PAPOLA: variants seen among roughly 807,000 people sequenced by gnomAD.
PAPOLA encodes polynucleotide adenylyltransferase alpha.
Under a neutral mutation model 100.6 loss-of-function variants are expected in PAPOLA, and 15 were observed. That is an observed-to-expected ratio of 0.15 (90% CI 0.10 to 0.23). PAPOLA has a LOEUF of 0.23. Ranked by LOEUF, PAPOLA falls within the 10% of genes least tolerant of loss-of-function variation. The pLI, the probability that PAPOLA is intolerant of heterozygous loss-of-function variation, is 1.00. For missense variants in PAPOLA, 533 were observed against 884.2 expected, an observed-to-expected ratio of 0.60 and a Z score of 5.04; for synonymous variants, 293 against 300.0, an observed-to-expected ratio of 0.98 and a Z score of 0.24.
intron 16 of PAPOLA, among the ~76,000 whole-genome samples, chr14:96,548,948 C>A (rs1900611315): frequency 6.6e-6 from 1 of 152,168 alleles, no homozygotes. Flanking sequence ...CAAATTCAGG[C>A]TCTACTGTTT....
intron 19 of PAPOLA, among the ~76,000 whole-genome samples, chr14:96,559,086 T>C (rs1901598572): frequency 6.6e-6 from 1 of 151,860 alleles, no homozygotes; most frequent in Non-Finnish European, 1.5e-5. Context: ...CGGAGTTGAT[T>C]AATAGAACTA....
chr14:96,520,196 G>T lies in PAPOLA; in HGVS notation c.150G>T (p.Gly50=), dbSNP rs372537982. 1 of 1,613,540 alleles carries T rather than the reference G, an allele frequency of 6.2e-7. No individual in the cohort carries two copies. The highest frequency in any genetic ancestry group is 8.5e-7 in the Non-Finnish European group (1 of 1,179,794). ...TAATTGAGACATTGAAACCCTTTGG[G>T]GTTTTTGAAGAGGAAGAGGAACTGC... is the stretch of plus-strand genomic sequence containing the variant. ...QKLIETLKPF[G]VFEEEEELQR... Residue 50 remains glycine (G), a synonymous_variant, in exon 2 of 22, where the codon GGG becomes GGT. Transcript: ENST00000216277.
At position 96,566,735 on chromosome 14, in the gene PAPOLA, A is replaced by G. The variant is rs2140349305; in HGVS notation, c.*1685A>G. 1 of 152,690 alleles carries G rather than the reference A, an allele frequency of 6.5e-6. No individual in the cohort carries two copies. The highest frequency in any genetic ancestry group is 1.5e-5 in the Non-Finnish European group (1 of 67,986). The allele number at this position is 152,690 out of a possible 1,614,324, so 9.5% of individuals were successfully genotyped here. On this transcript the variant is annotated 3_prime_UTR_variant, in exon 22 of 22. Transcript: ENST00000216277. Reference sequence around the variant, plus strand: ...ACCACCGAAGAAAAAAGATGGTCATACTAACAGGTGAAATGTACAAGGTGT... The same window carrying G: ...ACCACCGAAGAAAAAAGATGGTCATGCTAACAGGTGAAATGTACAAGGTGT...
chr14:96,529,810 A>G (rs1479665365), intron 6 of PAPOLA, among the ~76,000 whole-genome samples: 2 of 152,168 alleles, frequency 1.3e-5, no homozygotes, highest in African/African-American at 4.8e-5. Flanking sequence ...ATGAAATCAT[A>G]CCCTCAGGGA....
At chr14:96,512,169 A>G (rs1380787806) in intron 1 of PAPOLA, among the ~76,000 whole-genome samples, 1 of 152,132 alleles carries the variant, frequency 6.6e-6, no homozygotes, top group African/African-American at 2.4e-5. Context: ...ACATGTTGAA[A>G]CAAGTTTATA....
At position 96,556,552 on chromosome 14, in the gene PAPOLA, A is replaced by G. The variant is rs537864359; in HGVS notation, c.2004+139A>G. The stretch of plus-strand genomic sequence containing the variant: ...TTTAGAAAATTTTAGGTGTGTCTGT[A>G]GTGCTTTAGTGCTGTAGTTTCTCTT... On this transcript the variant is annotated intron_variant, in intron 19 of 21. Coordinates refer to ENST00000216277, the MANE Select transcript of PAPOLA (RefSeq NM_032632.5). 55 of 675,970 alleles carry G rather than the reference A, an allele frequency of 8.1e-5. No homozygotes were observed. The African/African-American group carries it at 9.1e-4, about 11-fold the overall frequency. 41.9% of individuals were successfully genotyped at this position (675,970 alleles called of 1,614,324 possible). A position where few individuals can be genotyped will look rare whatever the true frequency, so the allele number is the denominator to read the frequency against.
intron 16 of PAPOLA, among the ~76,000 whole-genome samples, chr14:96,551,346 A>G (rs2140318864): frequency 6.6e-6 from 1 of 152,316 alleles, no homozygotes; most frequent in East Asian, 1.9e-4. Context: ...GATTGGTAGC[A>G]TTGTTGAATA....
intron 13 of PAPOLA, 45 bp downstream of exon 13, chr14:96,542,341 G>C (rs866220075): frequency 2.6e-6 from 3 of 1,148,422 alleles, no homozygotes; most frequent in Middle Eastern, 2.0e-4. Flanking sequence ...ACTTCAAAAT[G>C]AATCACATAG....
At position 96,562,852 on chromosome 14, in the gene PAPOLA, T is replaced by C. The variant is rs1901973521; in HGVS notation, c.2101T>C (p.Ser701Pro). The C allele has an allele frequency of 1.2e-6, 2 of 1,612,600 alleles. No homozygotes were observed. The highest frequency in any genetic ancestry group is 1.7e-6 in the Non-Finnish European group (2 of 1,178,936). Residue 701 changes from serine to proline, a missense_variant, in exon 21 of 22, where the codon TCA becomes CCA. Coordinates refer to ENST00000216277, the MANE Select transcript of PAPOLA (RefSeq NM_032632.5). ...TGATACAGAGACAAGTACAACTCAA[T>C]CAGAAACTATTCAGACAGCGGCTTC... Reference protein sequence around the residue: ...QLDTETSTTQSETIQTAASLL... With the variant: ...QLDTETSTTQPETIQTAASLL...
At chr14:96,504,036 G>A (rs986657658) in intron 1 of PAPOLA, among the ~76,000 whole-genome samples, 1 of 152,158 alleles carries the variant, frequency 6.6e-6, no homozygotes, top group Non-Finnish European at 1.5e-5. Context: ...TCTGTTTATT[G>A]ATTTTTCCCT....
chr14:96,546,197 AT>A (rs139713145), intron 15 of PAPOLA, among the ~76,000 whole-genome samples: 1,649 of 152,126 alleles, frequency 0.011, 36 homozygotes, highest in African/African-American at 0.036. Flanking sequence ...TCCATATTTG[AT>A]GTTAATCCAC....
chr14:96,508,072 C>T (rs868610854), intron 1 of PAPOLA, among the ~76,000 whole-genome samples: 1 of 152,190 alleles, frequency 6.6e-6, no homozygotes, highest in Non-Finnish European at 1.5e-5. Context: ...GACAGAGTTT[C>T]CCTGTATTGG....
At chr14:96,512,626 T>C (rs1323255550) in intron 1 of PAPOLA, among the ~76,000 whole-genome samples, 1 of 152,250 alleles carries the variant, frequency 6.6e-6, no homozygotes, top group Non-Finnish European at 1.5e-5. Context: ...GCAGCTATGA[T>C]CGTAATTATA....
chr14:96,540,100 G>A (rs1379971350), intron 12 of PAPOLA, among the ~76,000 whole-genome samples: 2 of 152,148 alleles, frequency 1.3e-5, no homozygotes, highest in Non-Finnish European at 2.9e-5. Context: ...AAGAAGTTAT[G>A]TTGAACTCTA....
rs758132864 is a variant in PAPOLA at position 96,534,535 on chromosome 14, A to G, written c.881A>G (p.Asn294Ser). ...CTATTGAAACAGCCTGAAGAATGCA[A>G]TCTTAATTTGCCTGTATGGGACCCA... is the stretch of plus-strand genomic sequence containing the variant. Reference protein sequence around the residue: ...PVLLKQPEECNLNLPVWDPRV... With the variant: ...PVLLKQPEECSLNLPVWDPRV... The change falls in exon 10 of 22, where the codon AAT becomes AGT. Residue 294 changes from asparagine (N) to serine (S), a missense_variant. Transcript: ENST00000216277. 10 of 1,613,958 alleles carry G rather than the reference A, an allele frequency of 6.2e-6. No homozygotes were observed. Among genetic ancestry groups the G allele is most frequent in the Non-Finnish European group, 8.5e-6 (10 of 1,179,888 alleles).
rs146224228 is a variant in PAPOLA, at chr14:96,542,870, A to G, written c.1266A>G (p.Pro422=). The change falls in exon 14 of 22, where the codon CCA becomes CCG. Residue 422 remains proline (P), a synonymous_variant. Transcript: ENST00000216277. ...CTCATGTGAATCCCCAGTCATTTCCAGCACCCAAAGAAAATCCCGACAAGT... is the reference window on the plus strand; with the variant it reads ...CTCATGTGAATCCCCAGTCATTTCCGGCACCCAAAGAAAATCCCGACAAGT... The part of the protein sequence containing the change: ...TLAHVNPQSF[P]APKENPDKEE... 4.7e-5 allele frequency: 76 copies of G among 1,612,150 alleles called. No homozygotes were observed. Among genetic ancestry groups the G allele is most frequent in the Middle Eastern group, 1.6e-4 (1 of 6,082 alleles).
Position 96,542,419 on chromosome 14 carries a change from A to G in PAPOLA, c.1169+123A>G. The G allele has an allele frequency of 4.6e-6, 3 of 649,696 alleles. No homozygotes were observed. In the South Asian group the frequency reaches 6.0e-5, roughly 13 times the overall value. 40.2% of individuals were successfully genotyped at this position (649,696 alleles called of 1,614,324 possible). On this transcript the variant is annotated intron_variant, in intron 13 of 21. Coordinates refer to ENST00000216277, the MANE Select transcript of PAPOLA (RefSeq NM_032632.5). ...CTAGTTTGGTTTGATTTGTTCACAA[A>G]TGGAGCTTTACTGTGTGTAGTGGAA... is the stretch of plus-strand genomic sequence containing the variant.
At chr14:96,553,236 G>C (rs1900996203) in intron 17 of PAPOLA, 1 of 152,400 alleles carries the variant, frequency 6.6e-6, no homozygotes, top group Admixed American at 6.6e-5. Context: ...TTTTCAGCCA[G>C]GTGCAGTGAC....
At position 96,566,163 on chromosome 14, in the gene PAPOLA, AT is replaced by A; in HGVS notation, c.*1117del. On this transcript the variant is annotated 3_prime_UTR_variant, in exon 22 of 22. Coordinates refer to ENST00000216277, the MANE Select transcript of PAPOLA (RefSeq NM_032632.5). Reference sequence around the variant, plus strand: ...CAGTTTTAAATGTGGGCAAAAAGGCATTTTCTCCAAGATTTTAAAACTAATT... The same window carrying A: ...CAGTTTTAAATGTGGGCAAAAAGGCATTTCTCCAAGATTTTAAAACTAATT... 2.7e-6 allele frequency: 1 copy of A among 376,494 alleles called. No individual in the cohort carries two copies. The highest frequency in any genetic ancestry group is 4.7e-6 in the Non-Finnish European group (1 of 211,928). 23.3% of individuals were successfully genotyped at this position (376,494 alleles called of 1,614,324 possible).
Sources: gnomAD v4.1 joint callset for allele counts (sites outside exome capture counted in the v4.1 genomes callset) on GRCh38, gnomAD v4.1.1 for gene constraint, MANE v1.5 for transcripts, NCBI Gene and HGNC (gene_info 2026-07-23, HGNC 2026-07-21) for gene names.